The following WDR1 variants were observed in gnomAD, a reference collection of about 807,000 sequenced individuals.
WDR1 encodes the protein WD repeat-containing protein 1.
In WDR1, 21 loss-of-function variants were observed where a neutral mutation model predicts 71.9. The ratio of observed to expected loss-of-function variants is 0.29; its 90% CI spans 0.21 to 0.42. WDR1 has a LOEUF of 0.42. Ranked by LOEUF, WDR1 falls within the 10% of genes least tolerant of loss-of-function variation. The probability of loss-of-function intolerance (pLI) is 1.00; values close to 1 mark genes in which losing one functional copy is unlikely to be tolerated. For synonymous variants in WDR1, 424 were observed against 347.4 expected (o/e 1.22, Z -2.45); for missense variants, 696 against 824.5 (o/e 0.84, Z 1.91).
In WDR1 at chr4:10,088,369, T is replaced by A; in HGVS notation, c.641A>T (p.Tyr214Phe). Residue 214 changes from tyrosine (Y) to phenylalanine (F), a missense_variant, in exon 7 of 15, where the codon TAC (tyrosine) becomes TTC (phenylalanine). Transcript: ENST00000499869. ...CTCCCCAGTCTTCCCGTCATAGATGTATATCTTCCAAGAAATAAAAACATG... is the reference window on the plus strand; with the variant it reads ...CTCCCCAGTCTTCCCGTCATAGATGAATATCTTCCAAGAAATAAAAACATG... ...FATASADGQIYIYDGKTGEKV... is the reference protein window; with the variant it reads ...FATASADGQIFIYDGKTGEKV... 1 of 1,556,368 alleles carries A rather than the reference T, an allele frequency of 6.4e-7. No individual in the cohort carries two copies. The highest frequency in any genetic ancestry group is 8.7e-7 in the Non-Finnish European group (1 of 1,149,508).
chr4:10,116,695 C>A lies in WDR1; in HGVS notation c.-29G>T, dbSNP rs1409099654. 1.2e-5 allele frequency: 16 copies of A among 1,350,236 alleles called. No homozygotes were observed. The highest frequency in any genetic ancestry group is 1.5e-5 in the African/African-American group (1 of 65,912). The allele number at this position is 1,350,236 out of a possible 1,614,324, so 83.6% of individuals were successfully genotyped here. A position where few individuals can be genotyped will look rare whatever the true frequency, so the allele number is the denominator to read the frequency against. On this transcript the variant is annotated 5_prime_UTR_variant, in exon 1 of 15. Transcript: ENST00000499869. ...CGCCCACTTGTTACCGCGCCGCGCT[C>A]GCCGAGAGCCTCCGGGGCCGGCCCG...
At position 10,077,929 on chromosome 4, in the gene WDR1, A is replaced by T; in HGVS notation, c.1396-3T>A. 1 of 1,599,914 alleles carries T rather than the reference A, an allele frequency of 6.3e-7. No homozygotes were observed. The highest frequency in any genetic ancestry group is 8.5e-7 in the Non-Finnish European group (1 of 1,171,782). On this transcript the variant is annotated splice_region_variant and splice_polypyrimidine_tract_variant and intron_variant, in intron 12 of 14. Transcript: ENST00000499869. ...GAATACAGGCGGACGTTGCCGTCCT[A>T]CGGCAGGGACAGAGAGGAAGTGAGC...
intron 2 of WDR1, 43 bp downstream of exon 2, chr4:10,116,070 G>A (rs753535405): frequency 1.9e-6 from 3 of 1,597,388 alleles, no homozygotes; most frequent in Non-Finnish European, 2.6e-6. Flanking sequence ...CCATCCCAAG[G>A]TGGCTCCGGA....
At chr4:10,097,213 G>T (rs1008750362) in intron 5 of WDR1, among the ~76,000 whole-genome samples, 3 of 152,282 alleles carry the variant, frequency 2.0e-5, no homozygotes, top group Admixed American at 1.3e-4. Context: ...AAAGCCTGCC[G>T]CATTTCTGGC....
chr4:10,085,969 C>A (rs182491508), intron 8 of WDR1, among the ~76,000 whole-genome samples: 16 of 152,156 alleles, frequency 1.1e-4, no homozygotes, highest in Admixed American at 9.2e-4. Flanking sequence ...AGTTTAGCCA[C>A]GGTGGCAGGC....
At chr4:10,084,377 A>G in intron 9 of WDR1, 66 bp downstream of exon 9, 5 of 1,490,074 alleles carry the variant, frequency 3.4e-6, no homozygotes, top group South Asian at 1.2e-5. Flanking sequence ...CTCTGGCATC[A>G]TGGGAACAGG....
At position 10,087,692 on chromosome 4, in the gene WDR1, C is replaced by G; in HGVS notation, c.951+15G>C. 6.4e-7 allele frequency: 1 copy of G among 1,566,436 alleles called. No individual in the cohort carries two copies. The highest frequency in any genetic ancestry group is 8.7e-7 in the Non-Finnish European group (1 of 1,154,110). ...TCCACCCAGCGGGCAGAGCCTTCCCCAGGGCAGGCCTTACCTTGATGACGT... is the reference window on the plus strand; with the variant it reads ...TCCACCCAGCGGGCAGAGCCTTCCCGAGGGCAGGCCTTACCTTGATGACGT... On this transcript the variant is annotated intron_variant, in intron 8 of 14. Coordinates refer to ENST00000499869, the MANE Select transcript of WDR1 (RefSeq NM_017491.5).
rs752120284 is a variant in WDR1, at chr4:10,077,488, T to C, written c.1570-40A>G. 6 of 1,613,208 alleles carry C rather than the reference T, an allele frequency of 3.7e-6. No individual in the cohort carries two copies. In the East Asian group the frequency reaches 1.3e-4, roughly 36 times the overall value. On this transcript the variant is annotated intron_variant, in intron 13 of 14. Transcript: ENST00000499869. ...AAAACAAGAGAGGTGGCAGGTCAGG[T>C]TCAGGCCGCAGTTGCCCATATCACC...
At chr4:10,086,889 G>A (rs944752901) in intron 8 of WDR1, among the ~76,000 whole-genome samples, 2 of 152,184 alleles carry the variant, frequency 1.3e-5, no homozygotes. Context: ...GTGGGAAGCA[G>A]GCGAGGGCGC....
intron 2 of WDR1, among the ~76,000 whole-genome samples, chr4:10,110,837 A>G (rs551129999): frequency 4.6e-5 from 7 of 152,346 alleles, no homozygotes; most frequent in African/African-American, 1.7e-4. Flanking sequence ...CTGACTTCAG[A>G]TACCAGTGGC....
intron 12 of WDR1, 103 bp downstream of exon 12, chr4:10,078,788 C>CT (rs1764895504): frequency 9.9e-7 from 1 of 1,008,716 alleles, no homozygotes; most frequent in Non-Finnish European, 1.5e-6. Flanking sequence ...CCCCTGACCC[C>CT]TCGCCTTCCC....
In WDR1 at chr4:10,088,391, CAT is replaced by C. The variant is rs772306203; in HGVS notation, c.637-20_637-19del. The C allele has an allele frequency of 1.5e-5, 24 of 1,550,280 alleles. No homozygotes were observed. Among genetic ancestry groups the C allele is most frequent in the Middle Eastern group, 1.7e-4 (1 of 6,010 alleles). ...ATGTATATCTTCCAAGAAATAAAAA[CAT>C]GTGGGTCATGTGTGTGTGAACACCC... On this transcript the variant is annotated intron_variant, in intron 6 of 14. Transcript: ENST00000499869.
intron 5 of WDR1, among the ~76,000 whole-genome samples, chr4:10,097,156 G>C (rs554282737): frequency 1.3e-5 from 2 of 152,390 alleles, no homozygotes; most frequent in South Asian, 4.1e-4. Context: ...TGCCTAAGGC[G>C]GGGCGCATGC....
intron 14 of WDR1, 128 bp downstream of exon 14, chr4:10,077,176 G>A (rs1050581273): frequency 1.1e-5 from 14 of 1,281,114 alleles, no homozygotes; most frequent in South Asian, 3.0e-5. Flanking sequence ...CAACTCTTCC[G>A]GGCCACCTGT....
Position 10,087,706 on chromosome 4 carries a change from C to T in WDR1, c.951+1G>A, listed in dbSNP as rs1255057723. ...AGAGCCTTCCCCAGGGCAGGCCTTACCTTGATGACGTGCAGGGGCTTGCTG... is the reference window on the plus strand; with the variant it reads ...AGAGCCTTCCCCAGGGCAGGCCTTATCTTGATGACGTGCAGGGGCTTGCTG... On this transcript the variant is annotated splice_donor_variant, in intron 8 of 14. Transcript: ENST00000499869. LOFTEE classifies it high-confidence loss of function. 1 of 1,585,212 alleles carries T rather than the reference C, an allele frequency of 6.3e-7. No individual in the cohort carries two copies. Among genetic ancestry groups the T allele is most frequent in the Non-Finnish European group, 8.6e-7 (1 of 1,164,968 alleles).
intron 2 of WDR1, among the ~76,000 whole-genome samples, chr4:10,113,836 C>G (rs1003198922): frequency 1.3e-5 from 2 of 152,240 alleles, no homozygotes; most frequent in South Asian, 2.1e-4. Context: ...GGGGCCTGAA[C>G]AGCTGGAGGA....
chr4:10,087,292 C>A (rs1711644333), intron 8 of WDR1, among the ~76,000 whole-genome samples: 1 of 152,260 alleles, frequency 6.6e-6, no homozygotes, highest in African/African-American at 2.4e-5. Flanking sequence ...TGCCCCTGGA[C>A]CTCAGCGATG....
At chr4:10,104,725 T>A (rs1303865762) in intron 2 of WDR1, among the ~76,000 whole-genome samples, 1 of 152,212 alleles carries the variant, frequency 6.6e-6, no homozygotes, top group East Asian at 1.9e-4. Context: ...CACACTGGGC[T>A]GCTCTCAATC....
intron 8 of WDR1, 121 bp downstream of exon 8, chr4:10,087,586 A>G (rs1222014341): frequency 6.5e-6 from 6 of 926,420 alleles, no homozygotes; most frequent in African/African-American, 1.7e-5. Context: ...AGGGCCAAGG[A>G]GGCCTGAGGA....
Sources: allele counts gnomAD v4.1 joint callset (sites outside exome capture counted in the v4.1 genomes callset), GRCh38; gene constraint gnomAD v4.1.1; transcripts MANE v1.5; gene names NCBI Gene and HGNC (gene_info 2026-07-23, HGNC 2026-07-21).